Variants in GSG1 observed in about 807,000 individuals in gnomAD.
GSG1 encodes the protein germ cell-specific gene 1 protein.
GSG1 carries 28 observed loss-of-function variants against 30.8 expected under a neutral mutation model. The ratio of observed to expected loss-of-function variants is 0.91; its 90% CI spans 0.67 to 1.25. GSG1 has a LOEUF of 1.25. GSG1 is among the 50% of genes most tolerant of loss of function. The pLI is 0.00. For missense variants in GSG1, 435 were observed against 444.7 expected (o/e 0.98, Z 0.20); for synonymous variants, 162 against 178.0 (o/e 0.91, Z 0.71).
chr12:13,101,424 A>G lies in GSG1; in HGVS notation c.48+2041T>C, dbSNP rs889451582. 1.2e-4 allele frequency among the ~76,000 whole-genome samples: 18 copies of G among 152,232 alleles called. No individual in the cohort carries two copies. Among genetic ancestry groups the G allele is most frequent in the African/African-American group, 3.9e-4 (16 of 41,544 alleles). ...CTTCCTGACCGGGTCGGGCGGGGGTACCCGGGCTGTTTCTTCCTCTGGGTC... is the reference window on the plus strand; with the variant it reads ...CTTCCTGACCGGGTCGGGCGGGGGTGCCCGGGCTGTTTCTTCCTCTGGGTC... On this transcript the variant is annotated intron_variant, in intron 1 of 6. Coordinates refer to ENST00000651961, the MANE Select transcript of GSG1 (RefSeq NM_001080555.4). The surrounding 1 kb of genome is among the most constrained non-coding windows in gnomAD (Gnocchi z 5.8).
In GSG1 at chr12:13,101,653, G is replaced by GA. The variant is rs1238975562; in HGVS notation, c.48+1811dup. ...GGCGGAGAGACTGGGTAGTCGGAGG[G>GA]ATTCCTTACACCCAGGCCGGTGGGC... On this transcript the variant is annotated intron_variant, in intron 1 of 6. Transcript: ENST00000651961. This position sits in a 1 kb window ranked among gnomAD's most constrained non-coding sequence, Gnocchi z 5.8. Among the ~76,000 whole-genome samples, 66 of 152,256 alleles carry GA rather than the reference G, an allele frequency of 4.3e-4. No individual in the cohort carries two copies. Among genetic ancestry groups the GA allele is most frequent in the Non-Finnish European group, 1.9e-4 (13 of 68,042 alleles).
intron 5 of GSG1, 97 bp downstream of exon 5, chr12:13,087,810 G>C: frequency 7.8e-7 from 1 of 1,280,618 alleles, no homozygotes; most frequent in African/African-American, 1.5e-5. Context: ...AAGAGCCTTT[G>C]GGCTCCTCCC....
chr12:13,087,178 A>T lies in GSG1; in HGVS notation c.720T>A (p.His240Gln). 1 of 1,613,850 alleles carries T rather than the reference A, an allele frequency of 6.2e-7. No homozygotes were observed. ...VNLGPEDWRPHVWNYGWAFYM... is the reference protein window; with the variant it reads ...VNLGPEDWRPQVWNYGWAFYM... The stretch of plus-strand genomic sequence containing the variant: ...AGAAGGCCCAGCCATAATTCCAAAC[A>T]TGTGGTCTCCAGTCTTCTGGACCCA... Residue 240 changes from histidine to glutamine, a missense_variant, in exon 6 of 7, where the codon CAT becomes CAA. Physicochemically the swap from His to Gln is conservative, Grantham distance 24. Coordinates refer to ENST00000651961, the MANE Select transcript of GSG1 (RefSeq NM_001080555.4).
At position 13,090,574 on chromosome 12, in the gene GSG1, TCCCCAGTCTCCC is replaced by T; in HGVS notation, c.281_292del (p.Trp94_Asp98delinsTyr). ...GAAGCTCCGGAAGGAGAACCGGTCA[TCCCCAGTCTCCC>T]AGTTGTATTGTACCACCTCCTGGGT... On this transcript the variant is annotated inframe_deletion, in exon 2 of 7. Transcript: ENST00000651961. 1 of 1,614,212 alleles carries T rather than the reference TCCCCAGTCTCCC, an allele frequency of 6.2e-7. No individual in the cohort carries two copies. The highest frequency in any genetic ancestry group is 1.1e-5 in the South Asian group (1 of 91,086).
chr12:13,087,962 G>T lies in GSG1; in HGVS notation c.579C>A (p.Asn193Lys), dbSNP rs1233632102. ...LLLTDLLLTG[N>K]PACGLKLSAF... The stretch of plus-strand genomic sequence containing the variant: ...CGCTCAGTTTGAGCCCACAGGCAGG[G>T]TTCCCAGTGAGTAGCAAGTCTGTTA... Residue 193 changes from asparagine to lysine, a missense_variant, in exon 5 of 7, where the codon AAC (asparagine) becomes AAA (lysine). Coordinates refer to ENST00000651961, the MANE Select transcript of GSG1 (RefSeq NM_001080555.4). The T allele has an allele frequency of 6.2e-7, 1 of 1,614,242 alleles. No homozygotes were observed.
intron 1 of GSG1, among the ~76,000 whole-genome samples, chr12:13,097,990 T>C (rs1047665625): frequency 3.9e-5 from 6 of 152,236 alleles, no homozygotes; most frequent in African/African-American, 1.4e-4. Context: ...TCACCTGTAA[T>C]GTCTGCTCTC....
intron 2 of GSG1, 135 bp downstream of exon 2, chr12:13,090,368 G>A (rs550289249): frequency 5.9e-4 from 428 of 725,530 alleles, no homozygotes; most frequent in Non-Finnish European, 8.1e-4. Flanking sequence ...AGGGAGTGAG[G>A]CCCACTGGGG....
At chr12:13,097,184 T>TC (rs945082884) in intron 1 of GSG1, among the ~76,000 whole-genome samples, 60 of 152,296 alleles carry the variant, frequency 3.9e-4, no homozygotes, top group African/African-American at 1.4e-3. Flanking sequence ...ACTTTCATCC[T>TC]CCAAGCCTTT....
chr12:13,098,601 T>C (rs942964490), intron 1 of GSG1, among the ~76,000 whole-genome samples: 32 of 151,458 alleles, frequency 2.1e-4, no homozygotes, highest in Admixed American at 1.7e-3. Flanking sequence ...TCCTGATGAG[T>C]TTTGTGCACA....
chr12:13,095,630 TGGAAGAAC>T, intron 1 of GSG1: 1 of 1,614,188 alleles, frequency 6.2e-7, no homozygotes, highest in South Asian at 1.1e-5. Context: ...GCAGCTTGTC[TGGAAGAAC>T]CGAAGGATGC....
At chr12:13,095,101 T>C (rs1866547992) in intron 1 of GSG1, among the ~76,000 whole-genome samples, 1 of 152,236 alleles carries the variant, frequency 6.6e-6, no homozygotes, top group African/African-American at 2.4e-5. Context: ...AAAATCATCT[T>C]CTTGATATCG....
Position 13,085,079 on chromosome 12 carries a change from C to T in GSG1, c.911G>A (p.Ser304Asn). ...HHQCFPRRLS[S>N]AAPTVGPLTS... ...CAAAGGACCCACGGTGGGGGCTGCA[C>T]TTGACAGCCGCCGAGGGAAACACTG... The change falls in exon 7 of 7, where the codon AGT becomes AAT. Residue 304 changes from serine (S) to asparagine (N), a missense_variant. Physicochemically the swap from Ser to Asn is conservative, Grantham distance 46. Transcript: ENST00000651961. 6.2e-7 allele frequency: 1 copy of T among 1,612,328 alleles called. No individual in the cohort carries two copies. Among genetic ancestry groups the T allele is most frequent in the Non-Finnish European group, 8.5e-7 (1 of 1,179,150 alleles).
rs1231432038 is a variant in GSG1, at chr12:13,093,012, T to C, written c.49-2194A>G. 6.6e-6 allele frequency among the ~76,000 whole-genome samples: 1 copy of C among 151,594 alleles called. No homozygotes were observed. The highest frequency in any genetic ancestry group is 6.6e-5 in the Admixed American group (1 of 15,216). ...GGTTTCACCATATTGGCCAGGCTGG[T>C]CTTAAACTCCTGATCTTAGGTAATC... On this transcript the variant is annotated intron_variant, in intron 1 of 6. Transcript: ENST00000651961. The surrounding 1 kb of genome is among the most constrained non-coding windows in gnomAD (Gnocchi z 4.6).
At position 13,098,456 on chromosome 12, in the gene GSG1, ATTTTTTTTT is replaced by A. The variant is rs771887535; in HGVS notation, c.48+5000_48+5008del. Among the ~76,000 whole-genome samples the A allele has an allele frequency of 2.1e-4, 10 of 47,402 alleles. 1 individual carries two copies. Among genetic ancestry groups the A allele is most frequent in the East Asian group, 7.7e-4 (1 of 1,292 alleles). The allele number at this position is 47,402 out of a possible 152,430, so 31.1% of individuals were successfully genotyped here. On this transcript the variant is annotated intron_variant, in intron 1 of 6. Coordinates refer to ENST00000651961, the MANE Select transcript of GSG1 (RefSeq NM_001080555.4). ...CTTGTAGGATTGTTTCATGTAGCCCATTTTTTTTTTTTTTTTTTTTTTTTTTTTTTTTTT... is the reference window on the plus strand; with the variant it reads ...CTTGTAGGATTGTTTCATGTAGCCCATTTTTTTTTTTTTTTTTTTTTTTTT...
chr12:13,089,104 A>G (rs972967034), intron 3 of GSG1, 104 bp downstream of exon 3: 5 of 1,330,436 alleles, frequency 3.8e-6, no homozygotes, highest in South Asian at 2.7e-5. Flanking sequence ...TTCTCTCTTC[A>G]GTCTCTGATA....
At chr12:13,092,576 CA>C in intron 1 of GSG1, among the ~76,000 whole-genome samples, 1 of 152,278 alleles carries the variant, frequency 6.6e-6, no homozygotes, top group South Asian at 2.1e-4. Flanking sequence ...ACTCTTTTCA[CA>C]TTTATTTTTG....
In GSG1 at chr12:13,093,091, C is replaced by G. The variant is rs866433337; in HGVS notation, c.49-2273G>C. Reference sequence around the variant, plus strand: ...GATTACAGGCGTTAAGCCACCACGCCTGGCCGGTTATATAAGCTTTTAACT... The same window carrying G: ...GATTACAGGCGTTAAGCCACCACGCGTGGCCGGTTATATAAGCTTTTAACT... On this transcript the variant is annotated intron_variant, in intron 1 of 6. Transcript: ENST00000651961. The surrounding 1 kb of genome is among the most constrained non-coding windows in gnomAD (Gnocchi z 4.6). Among the ~76,000 whole-genome samples the G allele has an allele frequency of 6.6e-6, 1 of 151,698 alleles. No individual in the cohort carries two copies. The highest frequency in any genetic ancestry group is 2.1e-4 in the South Asian group (1 of 4,824).
In GSG1 at chr12:13,100,374, T is replaced by G. The variant is rs1591666006; in HGVS notation, c.48+3091A>C. Among the ~76,000 whole-genome samples, 4 of 152,340 alleles carry G rather than the reference T, an allele frequency of 2.6e-5. No individual in the cohort carries two copies. In the South Asian group the frequency reaches 8.3e-4, roughly 32 times the overall value. ...TTTCCAGGCAGATGCACCCAGAGTT[T>G]CATCAAACAGATTCTCTGCCAATCC... is the stretch of plus-strand genomic sequence containing the variant. On this transcript the variant is annotated intron_variant, in intron 1 of 6. Transcript: ENST00000651961.
intron 4 of GSG1, among the ~76,000 whole-genome samples, 176 bp from the exon 5 acceptor site, chr12:13,088,235 C>T (rs1344280389): frequency 6.6e-6 from 1 of 152,186 alleles, no homozygotes. Flanking sequence ...TTTGACGTCA[C>T]TCACAGCTCC....
Sources: gnomAD v4.1 joint callset for allele counts (sites outside exome capture counted in the v4.1 genomes callset) on GRCh38, gnomAD v4.1.1 for gene constraint, Gnocchi (gnomAD v3.1) non-coding constraint, MANE v1.5 for transcripts, NCBI Gene and HGNC (gene_info 2026-07-23, HGNC 2026-07-21) for gene names.